Variants in GDA observed in about 807,000 individuals in gnomAD.
GDA encodes the protein guanine deaminase.
GDA carries 18 observed loss-of-function variants against 59.6 expected under a neutral mutation model. The observed-to-expected ratio is 0.30, with a 90% CI of 0.21 to 0.45. The LOEUF (loss-of-function observed/expected upper bound fraction) is 0.45. Among genes scored for constraint, GDA ranks in the 20% least tolerant of loss-of-function variants. GDA has a pLI of 1.00. For synonymous variants in GDA, 201 were observed against 201.1 expected, an observed-to-expected ratio of 1.00 and a Z score of 0.00; for missense variants, 427 against 552.3, an observed-to-expected ratio of 0.77 and a Z score of 2.27.
chr9:72,241,320 T>C (rs753667015), intron 11 of GDA, 22 bp downstream of exon 11: 2 of 1,563,202 alleles, frequency 1.3e-6, no homozygotes, highest in South Asian at 1.1e-5. Flanking sequence ...TACATTTTTC[T>C]CTCACACAAT....
intron 11 of GDA, among the ~76,000 whole-genome samples, chr9:72,243,146 G>A (rs1052674847): frequency 2.0e-5 from 3 of 152,166 alleles, no homozygotes; most frequent in Non-Finnish European, 4.4e-5. Flanking sequence ...AGAAGATCAA[G>A]ATGAGCAGAA....
intron 1 of GDA, among the ~76,000 whole-genome samples, chr9:72,141,634 A>G (rs1284641968): frequency 6.6e-6 from 1 of 152,144 alleles, no homozygotes. Flanking sequence ...TTCCAGGAAC[A>G]TGGAGTCTAG....
chr9:72,142,756 C>T (rs1826485773), intron 1 of GDA, among the ~76,000 whole-genome samples: 1 of 151,788 alleles, frequency 6.6e-6, no homozygotes, highest in Admixed American at 6.6e-5. Flanking sequence ...AAGTGGAATA[C>T]CTTTTATTTT....
chr9:72,255,199 C>T (rs898074614), downstream of GDA, among the ~76,000 whole-genome samples: 1 of 152,174 alleles, frequency 6.6e-6, no homozygotes, highest in Non-Finnish European at 1.5e-5. Flanking sequence ...CTCACTTAAA[C>T]CTGCTTTCAA....
intron 1 of GDA, among the ~76,000 whole-genome samples, chr9:72,150,928 GTT>G (rs1827130263): frequency 6.6e-6 from 1 of 151,846 alleles, no homozygotes. Context: ...GGGAACTCAG[GTT>G]TGGGGCAAGT....
chr9:72,210,629 T>A, intron 3 of GDA, 58 bp from the exon 4 acceptor site: 2 of 908,774 alleles, frequency 2.2e-6, no homozygotes, highest in South Asian at 1.3e-5. Context: ...TTCCTCTGGA[T>A]GTACCATGTG....
intron 13 of GDA, 101 bp from the exon 14 acceptor site, chr9:72,248,171 C>T (rs980925493): frequency 6.2e-6 from 5 of 801,572 alleles, no homozygotes; most frequent in East Asian, 2.4e-5. Flanking sequence ...TTAGTATTTC[C>T]TCTCCTAGAA....
At chr9:72,172,757 A>G (rs1370228705) in intron 1 of GDA, among the ~76,000 whole-genome samples, 2 of 152,176 alleles carry the variant, frequency 1.3e-5, no homozygotes, top group Non-Finnish European at 2.9e-5. Context: ...TGTTAGTTTC[A>G]TATGTTTAAG....
At chr9:72,152,142 A>G (rs144679341) in intron 1 of GDA, among the ~76,000 whole-genome samples, 1,679 of 152,284 alleles carry the variant, frequency 0.011, 16 homozygotes, top group South Asian at 0.034. Context: ...ACTGTAACAC[A>G]TAGTTTCTGT....
intron 10 of GDA, among the ~76,000 whole-genome samples, chr9:72,238,295 GTTC>G (rs1321501441): frequency 6.6e-6 from 1 of 152,146 alleles, no homozygotes; most frequent in Non-Finnish European, 1.5e-5. Context: ...ATATGGCTGA[GTTC>G]TTCTCATCCT....
At chr9:72,136,370 T>C (rs1368500754) in intron 1 of GDA, among the ~76,000 whole-genome samples, 1 of 152,234 alleles carries the variant, frequency 6.6e-6, no homozygotes, top group Non-Finnish European at 1.5e-5. Context: ...TCTCATTATG[T>C]GATTATGTGA....
upstream of GDA, among the ~76,000 whole-genome samples, chr9:72,146,631 C>G (rs954029355): frequency 2.0e-5 from 3 of 152,140 alleles, no homozygotes; most frequent in Non-Finnish European, 1.5e-5. Context: ...GCTGGGACTA[C>G]AGGTGTGCGC....
At chr9:72,199,908 G>A (rs1833722445) in intron 2 of GDA, among the ~76,000 whole-genome samples, 1 of 151,242 alleles carries the variant, frequency 6.6e-6, no homozygotes, top group Non-Finnish European at 1.5e-5. Context: ...TGCTTAAGAT[G>A]TTGGTTTGTT....
intron 1 of GDA, among the ~76,000 whole-genome samples, chr9:72,184,621 T>G (rs976132787): frequency 1.3e-5 from 2 of 152,188 alleles, no homozygotes; most frequent in African/African-American, 4.8e-5. Context: ...GACATCTTGG[T>G]TGCTTCCTAA....
At chr9:72,202,768 T>A (rs753059474) in intron 3 of GDA, 26 bp downstream of exon 3, 1 of 1,551,816 alleles carries the variant, frequency 6.4e-7, no homozygotes, top group Non-Finnish European at 8.9e-7. Context: ...GTGAGTGTGG[T>A]ATTCTGTTTG....
rs1840411984 is a variant in GDA, at chr9:72,248,780, TAGACTG to T, written c.*442_*447del. ...TATATTTTTATGAGGGAGCAAAAGT[TAGACTG>T]AGAACAAACGTTAGAAAATCACTTC... On this transcript the variant is annotated 3_prime_UTR_variant, in exon 14 of 14. Coordinates refer to ENST00000358399, the MANE Select transcript of GDA (RefSeq NM_004293.5). 1.0e-6 allele frequency: 1 copy of T among 992,278 alleles called. No homozygotes were observed. The highest frequency in any genetic ancestry group is 1.7e-5 in the African/African-American group (1 of 57,428). 61.5% of individuals were successfully genotyped at this position (992,278 alleles called of 1,614,324 possible).
chr9:72,135,980 T>C (rs577481235), intron 1 of GDA, among the ~76,000 whole-genome samples: 2 of 152,208 alleles, frequency 1.3e-5, no homozygotes, highest in East Asian at 3.9e-4. Flanking sequence ...GCACCTACAT[T>C]GATTTAGTTC....
rs559828333 is a variant in GDA at position 72,244,248 on chromosome 9, A to G, written c.1136-900A>G. Among the ~76,000 whole-genome samples the G allele has an allele frequency of 1.8e-3, 273 of 152,134 alleles. No individual in the cohort carries two copies. In the Middle Eastern group the frequency reaches 0.024, roughly 13 times the overall value. On this transcript the variant is annotated intron_variant, in intron 11 of 13. Transcript: ENST00000358399. Reference sequence around the variant, plus strand: ...ACTCCAGTTAACCTTCCATGCTTCCATTTGTGACCCCAGTTTACACCTTCC... The same window carrying G: ...ACTCCAGTTAACCTTCCATGCTTCCGTTTGTGACCCCAGTTTACACCTTCC...
At chr9:72,179,875 C>G (rs982208710) in intron 1 of GDA, among the ~76,000 whole-genome samples, 6 of 152,034 alleles carry the variant, frequency 3.9e-5, no homozygotes, top group Non-Finnish European at 7.4e-5. Context: ...CAAAAGGACA[C>G]CAGTCATACT....
Sources: gnomAD v4.1 joint callset for allele counts (sites outside exome capture counted in the v4.1 genomes callset) on GRCh38, gnomAD v4.1.1 for gene constraint, MANE v1.5 for transcripts, NCBI Gene and HGNC (gene_info 2026-07-23, HGNC 2026-07-21) for gene names.